Variants in HCRTR2 observed in about 807,000 individuals in gnomAD.
The protein encoded by HCRTR2 is hypocretin receptor 2, also known as orexin receptor type 2.
In HCRTR2, 22 loss-of-function variants were observed where a neutral mutation model predicts 49.0. The observed-to-expected ratio is 0.45, with a 90% confidence interval of 0.32 to 0.64. The LOEUF (loss-of-function observed/expected upper bound fraction) is 0.64, where lower values mean the gene tolerates loss of function less well. Among genes scored for constraint, HCRTR2 ranks in the 30% least tolerant of loss-of-function variants. HCRTR2 has a pLI of 0.04. For missense variants in HCRTR2, 491 were observed against 559.4 expected, an observed-to-expected ratio of 0.88 and a Z score of 1.23; for synonymous variants, 236 against 205.3, an observed-to-expected ratio of 1.15 and a Z score of -1.28.
At chr6:55,256,379 T>C (rs181855759) in intron 3 of HCRTR2, among the ~76,000 whole-genome samples, 4 of 152,220 alleles carry the variant, frequency 2.6e-5, no homozygotes, top group Admixed American at 6.5e-5. Flanking sequence ...AATCTTTGAA[T>C]TTCTGTTATT....
intron 1 of HCRTR2, among the ~76,000 whole-genome samples, chr6:55,142,580 A>G (rs890141340): frequency 6.6e-5 from 10 of 152,010 alleles, no homozygotes; most frequent in Non-Finnish European, 1.2e-4. Context: ...TCTTGGATAT[A>G]AAGCTGTGTG....
At chr6:55,141,634 T>C (rs1275243781) in intron 1 of HCRTR2, among the ~76,000 whole-genome samples, 1 of 152,174 alleles carries the variant, frequency 6.6e-6, no homozygotes, top group Non-Finnish European at 1.5e-5. Context: ...CCCAAATGGA[T>C]AATATAGGTT....
At chr6:55,275,349 T>G (rs1221283440) in intron 4 of HCRTR2, among the ~76,000 whole-genome samples, 1 of 152,136 alleles carries the variant, frequency 6.6e-6, no homozygotes, top group Non-Finnish European at 1.5e-5. Flanking sequence ...ATAATGTACT[T>G]TTAGGGATGC....
chr6:55,166,767 A>G (rs1764883153), intron 1 of HCRTR2, among the ~76,000 whole-genome samples: 1 of 152,162 alleles, frequency 6.6e-6, no homozygotes, highest in African/African-American at 2.4e-5. Flanking sequence ...TCAGATCAGT[A>G]TTATATATAA....
intron 1 of HCRTR2, among the ~76,000 whole-genome samples, chr6:55,209,291 A>G (rs1765657102): frequency 1.3e-5 from 2 of 152,212 alleles, no homozygotes; most frequent in Non-Finnish European, 2.9e-5. Flanking sequence ...TGGTCAGGAA[A>G]AATTAATTAG....
intron 1 of HCRTR2, among the ~76,000 whole-genome samples, chr6:55,164,869 G>C (rs1229553455): frequency 6.6e-6 from 1 of 152,102 alleles, no homozygotes; most frequent in Non-Finnish European, 1.5e-5. Context: ...TGACCTCTCA[G>C]ATGGAGAATT....
intron 2 of HCRTR2, among the ~76,000 whole-genome samples, chr6:55,254,196 C>CTACAT (rs1233615721): frequency 6.6e-6 from 1 of 151,476 alleles, no homozygotes; most frequent in African/African-American, 2.4e-5. Context: ...AAATAATTTA[C>CTACAT]TACATTATAC....
At chr6:55,217,478 A>G (rs1460834312) in intron 1 of HCRTR2, among the ~76,000 whole-genome samples, 1 of 152,098 alleles carries the variant, frequency 6.6e-6, no homozygotes, top group Non-Finnish European at 1.5e-5. Context: ...TGCTCCTTAA[A>G]AATTTCTTCT....
At chr6:55,221,851 C>T (rs1054011289) in intron 1 of HCRTR2, among the ~76,000 whole-genome samples, 2 of 150,744 alleles carry the variant, frequency 1.3e-5, no homozygotes, top group Non-Finnish European at 3.0e-5. Flanking sequence ...CTATGAAACT[C>T]ATAGAGAAAA....
At chr6:55,173,513 G>A (rs1324459521), upstream of HCRTR2, among the ~76,000 whole-genome samples, 1 of 152,164 alleles carries the variant, frequency 6.6e-6, no homozygotes, top group Non-Finnish European at 1.5e-5. Flanking sequence ...CTTATTATTA[G>A]AGACAAAACC....
intron 1 of HCRTR2, among the ~76,000 whole-genome samples, chr6:55,204,776 C>G (rs1050007200): frequency 2.0e-5 from 3 of 147,654 alleles, no homozygotes; most frequent in African/African-American, 7.3e-5. Flanking sequence ...CCCCTGCCTT[C>G]CCCTCCCCTC....
At chr6:55,131,869 G>C (rs1486630377) in intron 1 of HCRTR2, among the ~76,000 whole-genome samples, 1 of 151,740 alleles carries the variant, frequency 6.6e-6, no homozygotes, top group Non-Finnish European at 1.5e-5. Flanking sequence ...AGAAACTCCT[G>C]TTTCCAAGGA....
chr6:55,149,168 T>C (rs1764631705), intron 1 of HCRTR2, among the ~76,000 whole-genome samples: 2 of 152,262 alleles, frequency 1.3e-5, no homozygotes, highest in South Asian at 4.1e-4. Context: ...TGTTTGCTAT[T>C]CTTCTAAAGC....
At position 55,131,262 on chromosome 6, in the gene HCRTR2, T is replaced by C. The variant is rs185166467; in HGVS notation, c.-378+24717T>C. 3.3e-5 allele frequency among the ~76,000 whole-genome samples: 5 copies of C among 151,966 alleles called. No homozygotes were observed. In the East Asian group the frequency reaches 9.6e-4, roughly 29 times the overall value. On this transcript the variant is annotated intron_variant, in intron 1 of 7. Transcript: ENST00000615358. ...TGAATACACAGTAGTTCCCCTTTTA[T>C]AAGATTTTACCTTTTCAGATTTTAC...
chr6:55,140,624 T>G (rs1317919410), intron 1 of HCRTR2, among the ~76,000 whole-genome samples: 1 of 152,170 alleles, frequency 6.6e-6, no homozygotes, highest in East Asian at 1.9e-4. Context: ...TACAAAATTT[T>G]TAACATATAT....
intron 1 of HCRTR2, among the ~76,000 whole-genome samples, chr6:55,116,964 G>T (rs537557292): frequency 6.3e-4 from 95 of 151,804 alleles, no homozygotes; most frequent in African/African-American, 2.2e-3. Flanking sequence ...TAAAACATCT[G>T]ACAAAGACCG....
intron 1 of HCRTR2, among the ~76,000 whole-genome samples, chr6:55,206,942 G>A (rs933522449): frequency 6.6e-6 from 1 of 152,008 alleles, no homozygotes; most frequent in African/African-American, 2.4e-5. Flanking sequence ...TAGAAGACAG[G>A]AGACTTCATT....
In HCRTR2 at chr6:55,119,647, T is replaced by C. The variant is rs1393202980; in HGVS notation, c.-378+13102T>C. On this transcript the variant is annotated intron_variant, in intron 1 of 7. Coordinates refer to the HCRTR2 transcript ENST00000615358. ...GTTTTTTTTTTTTTGTAAATTTAAT[T>C]TCTTTGTAGATTCTGGATATTAGCC... 4.0e-5 allele frequency among the ~76,000 whole-genome samples: 6 copies of C among 151,780 alleles called. No homozygotes were observed. The South Asian group carries it at 1.2e-3, about 32-fold the overall frequency.
At chr6:55,271,169 A>G (rs1393522067) in intron 4 of HCRTR2, among the ~76,000 whole-genome samples, 1 of 152,144 alleles carries the variant, frequency 6.6e-6, no homozygotes, top group East Asian at 1.9e-4. Context: ...AGTAACTAAG[A>G]CGGTGTGGTA....
Sources: allele counts gnomAD v4.1 joint callset (sites outside exome capture counted in the v4.1 genomes callset), GRCh38; gene constraint gnomAD v4.1.1; transcripts MANE v1.5; gene names NCBI Gene and HGNC (gene_info 2026-07-23, HGNC 2026-07-21).